The following GALNT13 variants were observed in gnomAD, a reference collection of about 807,000 sequenced individuals.
The protein encoded by GALNT13 is UDP-GalNAc:polypeptide N-acetylgalactosaminyltransferase 13.
In GALNT13, 28 loss-of-function variants were observed where a neutral mutation model predicts 64.2. The ratio of observed to expected loss-of-function variants is 0.44; its 90% CI spans 0.32 to 0.60. GALNT13 has a LOEUF of 0.60. Ranked by LOEUF, GALNT13 falls within the 20% of genes least tolerant of loss-of-function variation. The pLI, the probability that GALNT13 is intolerant of heterozygous loss-of-function variation, is 0.05. For synonymous variants in GALNT13, 214 were observed against 224.6 expected, an observed-to-expected ratio of 0.95 and a Z score of 0.42; for missense variants, 577 against 669.8, an observed-to-expected ratio of 0.86 and a Z score of 1.53.
the GALNT13 span, among the ~76,000 whole-genome samples, chr2:153,742,935 A>AAGGGGAGGGGAGGTGAGAGG: frequency 2.8e-5 from 4 of 142,574 alleles, no homozygotes; most frequent in Non-Finnish European, 6.1e-5. Context: ...AAGGGAAGGA[A>AAGGGGAGGGGAGGTGAGAGG]AGGGGAGGGG....
chr2:153,674,994 A>C, the GALNT13 span, among the ~76,000 whole-genome samples: 1 of 152,246 alleles, frequency 6.6e-6, no homozygotes, highest in Non-Finnish European at 1.5e-5. Context: ...AACCACAATG[A>C]GATACCATCT....
At chr2:153,495,985 C>T in the GALNT13 span, among the ~76,000 whole-genome samples, 4 of 152,176 alleles carry the variant, frequency 2.6e-5, no homozygotes, top group African/African-American at 9.6e-5. Context: ...AGAGTTCCTA[C>T]TGGCTGAACT....
chr2:153,346,173 C>T, the GALNT13 span, among the ~76,000 whole-genome samples: 1 of 152,164 alleles, frequency 6.6e-6, no homozygotes, highest in Admixed American at 6.5e-5. Flanking sequence ...GATTTGCTCT[C>T]GCAGCCTCCC....
At chr2:154,138,747 T>C (rs1271704291) in intron 3 of GALNT13, among the ~76,000 whole-genome samples, 4 of 152,008 alleles carry the variant, frequency 2.6e-5, no homozygotes, top group African/African-American at 9.7e-5. Flanking sequence ...AAAGATACCT[T>C]AATGTCATTG....
At chr2:154,220,682 A>G (rs1688278677) in intron 4 of GALNT13, among the ~76,000 whole-genome samples, 1 of 152,078 alleles carries the variant, frequency 6.6e-6, no homozygotes, top group Admixed American at 6.6e-5. Flanking sequence ...TTGCAATGCC[A>G]GTAATAAAGC....
At chr2:153,931,393 T>G (rs1299920738) in intron 2 of GALNT13, among the ~76,000 whole-genome samples, 2 of 151,606 alleles carry the variant, frequency 1.3e-5, no homozygotes, top group African/African-American at 4.9e-5. Flanking sequence ...TGAATAGGAG[T>G]AGTGAGAGTG....
intron 4 of GALNT13, among the ~76,000 whole-genome samples, chr2:154,186,923 C>G (rs192384448): frequency 1.8e-4 from 28 of 152,104 alleles, no homozygotes; most frequent in African/African-American, 6.5e-4. Flanking sequence ...GAGAAAGTAT[C>G]TTTCTGATCA....
chr2:153,649,181 G>C, the GALNT13 span, among the ~76,000 whole-genome samples: 2 of 152,110 alleles, frequency 1.3e-5, no homozygotes, highest in African/African-American at 4.8e-5. Context: ...CTTCTTCCTG[G>C]TTTAGTCTTG....
chr2:154,417,030 A>T lies in GALNT13; in HGVS notation c.1395+7948A>T, dbSNP rs550434932. ...TCTCATCTTTCATCACCCCATGCTC[A>T]CTACAAACTGGACCTAAGCCCTGGG... is the stretch of plus-strand genomic sequence containing the variant. On this transcript the variant is annotated intron_variant, in intron 11 of 12. Coordinates refer to ENST00000392825, the MANE Select transcript of GALNT13 (RefSeq NM_052917.4). 5.3e-5 allele frequency among the ~76,000 whole-genome samples: 8 copies of T among 152,120 alleles called. No individual in the cohort carries two copies. In the East Asian group the frequency reaches 1.6e-3, roughly 29 times the overall value.
chr2:154,331,352 T>A (rs1438920077), intron 9 of GALNT13, among the ~76,000 whole-genome samples: 1 of 152,070 alleles, frequency 6.6e-6, no homozygotes, highest in Non-Finnish European at 1.5e-5. Flanking sequence ...GCTGCCTGGT[T>A]TGGAGTGTGG....
At chr2:153,455,101 GGAA>G in the GALNT13 span, among the ~76,000 whole-genome samples, 2 of 151,968 alleles carry the variant, frequency 1.3e-5, no homozygotes, top group South Asian at 2.1e-4. Context: ...GGTTGGGTAA[GGAA>G]GAAGGATTTT....
chr2:153,097,554 G>A, the GALNT13 span, among the ~76,000 whole-genome samples: 1 of 152,042 alleles, frequency 6.6e-6, no homozygotes, highest in Non-Finnish European at 1.5e-5. Flanking sequence ...ATTTCTTAAA[G>A]GTGCACTATC....
the GALNT13 span, among the ~76,000 whole-genome samples, chr2:153,185,056 C>T: frequency 1.3e-5 from 2 of 152,134 alleles, no homozygotes; most frequent in African/African-American, 2.4e-5. Context: ...TTCTTTGTAT[C>T]TCTAGTAGAA....
At chr2:154,269,930 A>ATATATGTGTATATATAT (rs1553506263) in intron 8 of GALNT13, among the ~76,000 whole-genome samples, 9 of 142,884 alleles carry the variant, frequency 6.3e-5, no homozygotes, top group East Asian at 2.1e-4. Context: ...ATATATTTCT[A>ATATATGTGTATATATAT]AAGCACAGGG....
chr2:154,091,319 T>A (rs1701796129), intron 3 of GALNT13, among the ~76,000 whole-genome samples: 1 of 152,006 alleles, frequency 6.6e-6, no homozygotes, highest in African/African-American at 2.4e-5. Context: ...TTTTTAACGT[T>A]CTGTTCTTAC....
At chr2:154,189,630 A>G (rs1000627492) in intron 4 of GALNT13, among the ~76,000 whole-genome samples, 7 of 152,090 alleles carry the variant, frequency 4.6e-5, no homozygotes, top group Admixed American at 2.0e-4. Context: ...GTATTTTATT[A>G]TGGCAGTTGA....
chr2:153,381,422 A>G, the GALNT13 span, among the ~76,000 whole-genome samples: 1 of 152,134 alleles, frequency 6.6e-6, no homozygotes, highest in Non-Finnish European at 1.5e-5. Flanking sequence ...CATCATGAAT[A>G]TTTACCCCAG....
At chr2:153,292,719 C>G in the GALNT13 span, among the ~76,000 whole-genome samples, 1 of 152,140 alleles carries the variant, frequency 6.6e-6, no homozygotes, top group Admixed American at 6.5e-5. Context: ...GAGATGGAAC[C>G]AGGGCTTGGG....
chr2:154,048,268 G>A lies in GALNT13; in HGVS notation c.143-92069G>A, dbSNP rs924812777. Among the ~76,000 whole-genome samples the A allele has an allele frequency of 2.6e-5, 4 of 152,086 alleles. No individual in the cohort carries two copies. In the South Asian group the frequency reaches 6.2e-4, roughly 24 times the overall value. Reference sequence around the variant, plus strand: ...CCTCCATGATCCAGTCACCTCCCACGGGGTTTAGGTGGGGGCCCACCTCCA... The same window carrying A: ...CCTCCATGATCCAGTCACCTCCCACAGGGTTTAGGTGGGGGCCCACCTCCA... On this transcript the variant is annotated intron_variant, in intron 3 of 12. Coordinates refer to ENST00000392825, the MANE Select transcript of GALNT13 (RefSeq NM_052917.4).
Sources: allele counts gnomAD v4.1 joint callset (sites outside exome capture counted in the v4.1 genomes callset), GRCh38; gene constraint gnomAD v4.1.1; transcripts MANE v1.5; gene names NCBI Gene and HGNC (gene_info 2026-07-23, HGNC 2026-07-21).